PABPC4L: variants seen among roughly 807,000 people sequenced by gnomAD.
PABPC4L encodes poly(A) binding protein cytoplasmic 4 like, also known as polyadenylate-binding protein 4-like.
For missense variants in PABPC4L, 452 were observed against 451.4 expected (o/e 1.00, Z -0.01); for synonymous variants, 169 against 164.1 (o/e 1.03, Z -0.23).
At chr4:134,070,479 C>T in the PABPC4L span, among the ~76,000 whole-genome samples, 41 of 152,012 alleles carry the variant, frequency 2.7e-4, no homozygotes, top group Admixed American at 7.2e-4. Context: ...GATGGCACAG[C>T]GGGGCATGGG....
chr4:134,119,020 A>G, the PABPC4L span, among the ~76,000 whole-genome samples: 8 of 151,912 alleles, frequency 5.3e-5, no homozygotes, highest in African/African-American at 1.4e-4. Context: ...TAAATGCAAT[A>G]TTTGTTATCA....
At chr4:133,989,903 A>T in the PABPC4L span, among the ~76,000 whole-genome samples, 1 of 152,156 alleles carries the variant, frequency 6.6e-6, no homozygotes, top group South Asian at 2.1e-4. Flanking sequence ...AGAAGCAAAC[A>T]CTTCCTCCTT....
chr4:133,985,537 A>G, the PABPC4L span, among the ~76,000 whole-genome samples: 4 of 151,904 alleles, frequency 2.6e-5, no homozygotes, highest in East Asian at 7.7e-4. Flanking sequence ...TTAGAGAAAG[A>G]ATAATTTATT....
chr4:134,146,844 G>C, the PABPC4L span, among the ~76,000 whole-genome samples: 3 of 152,018 alleles, frequency 2.0e-5, no homozygotes, highest in Non-Finnish European at 4.4e-5. Flanking sequence ...GAGAGAGTGA[G>C]TAAGATGGCA....
chr4:134,198,612 A>C lies in PABPC4L; in HGVS notation c.*1295T>G, dbSNP rs1391008216. On this transcript the variant is annotated 3_prime_UTR_variant, in exon 2 of 2. Transcript: ENST00000421491. The stretch of plus-strand genomic sequence containing the variant: ...TGCTTGCTAGATACCTTTGGTATGA[A>C]TCAGAATTTGTAAAGCAATTATTTA... 1 of 151,948 alleles carries C rather than the reference A, an allele frequency of 6.6e-6. No individual in the cohort carries two copies. The highest frequency in any genetic ancestry group is 1.5e-5 in the Non-Finnish European group (1 of 67,814). The allele number at this position is 151,948 out of a possible 1,614,324, so 9.4% of individuals were successfully genotyped here.
chr4:134,159,234 T>C, the PABPC4L span, among the ~76,000 whole-genome samples: 1 of 152,112 alleles, frequency 6.6e-6, no homozygotes, highest in African/African-American at 2.4e-5. Flanking sequence ...TAAACGTAGG[T>C]AATTCTACAG....
the PABPC4L span, among the ~76,000 whole-genome samples, chr4:133,973,993 C>G: frequency 2.0e-5 from 3 of 152,022 alleles, no homozygotes; most frequent in Non-Finnish European, 4.4e-5. Context: ...ACTCAGGAGG[C>G]TTGAGATAAT....
chr4:134,083,596 T>A, the PABPC4L span, among the ~76,000 whole-genome samples: 1 of 152,206 alleles, frequency 6.6e-6, no homozygotes, highest in Non-Finnish European at 1.5e-5. Context: ...GCATTCATTC[T>A]GATTGTATCA....
the PABPC4L span, among the ~76,000 whole-genome samples, chr4:133,998,007 G>C: frequency 1.3e-5 from 2 of 151,542 alleles, no homozygotes; most frequent in Admixed American, 1.3e-4. Flanking sequence ...TAAACTTCAA[G>C]TACCACTTGT....
the PABPC4L span, among the ~76,000 whole-genome samples, chr4:134,039,178 G>A: frequency 6.6e-6 from 1 of 152,070 alleles, no homozygotes; most frequent in East Asian, 1.9e-4. Context: ...CTGCACTGTG[G>A]TCTGAGAGAC....
the PABPC4L span, among the ~76,000 whole-genome samples, chr4:133,968,522 G>A: frequency 2.0e-5 from 3 of 152,080 alleles, no homozygotes; most frequent in East Asian, 1.9e-4. Flanking sequence ...CATCAATAGC[G>A]ACAGGATTGA....
chr4:133,987,663 T>TA, the PABPC4L span, among the ~76,000 whole-genome samples: 1 of 152,108 alleles, frequency 6.6e-6, no homozygotes, highest in East Asian at 1.9e-4. Context: ...AATACAAACA[T>TA]AGGAGTAAAA....
At chr4:134,063,370 T>C in the PABPC4L span, among the ~76,000 whole-genome samples, 2 of 152,090 alleles carry the variant, frequency 1.3e-5, no homozygotes, top group Non-Finnish European at 2.9e-5. Context: ...CTCAGTTCTC[T>C]TTATAATTTC....
At chr4:134,103,342 T>C in the PABPC4L span, among the ~76,000 whole-genome samples, 23 of 151,580 alleles carry the variant, frequency 1.5e-4, no homozygotes, top group Non-Finnish European at 2.7e-4. Context: ...ACAGACTGGG[T>C]GGCTTAAAAA....
the PABPC4L span, among the ~76,000 whole-genome samples, chr4:134,102,880 C>G: frequency 6.6e-6 from 1 of 151,012 alleles, no homozygotes; most frequent in Non-Finnish European, 1.5e-5. Context: ...ATTTTTCTAC[C>G]TATATGGATG....
At chr4:134,186,830 T>A in the PABPC4L span, among the ~76,000 whole-genome samples, 1 of 152,066 alleles carries the variant, frequency 6.6e-6, no homozygotes, top group Non-Finnish European at 1.5e-5. Flanking sequence ...TACAAAGAAC[T>A]TAAACAAATT....
the PABPC4L span, among the ~76,000 whole-genome samples, chr4:134,030,201 G>A: frequency 1.3e-5 from 2 of 152,014 alleles, no homozygotes; most frequent in Non-Finnish European, 2.9e-5. Flanking sequence ...CTGCTGTAAA[G>A]ATACCCGAAA....
downstream of PABPC4L, among the ~76,000 whole-genome samples, chr4:134,194,441 T>G (rs2126195533): frequency 6.6e-6 from 1 of 151,920 alleles, no homozygotes; most frequent in Non-Finnish European, 1.5e-5. Context: ...CGGTCAAGGA[T>G]ATTTTTGCTT....
At chr4:134,096,528 T>A in the PABPC4L span, among the ~76,000 whole-genome samples, 1 of 151,962 alleles carries the variant, frequency 6.6e-6, no homozygotes, top group African/African-American at 2.4e-5. Context: ...AATTTTCAGA[T>A]AATAAACTTC....
Sources: gnomAD v4.1 joint callset for allele counts (sites outside exome capture counted in the v4.1 genomes callset) on GRCh38, gnomAD v4.1.1 for gene constraint, MANE v1.5 for transcripts, NCBI Gene and HGNC (gene_info 2026-07-23, HGNC 2026-07-21) for gene names.